MYH11: variants seen among roughly 807,000 people sequenced by gnomAD.
MYH11 encodes the protein myosin-11.
MYH11 carries 80 observed loss-of-function variants against 246.6 expected under a neutral mutation model. The ratio of observed to expected loss-of-function variants is 0.32; its 90% CI spans 0.27 to 0.39. The LOEUF (loss-of-function observed/expected upper bound fraction) is 0.39, where lower values mean the gene tolerates loss of function less well. Among genes scored for constraint, MYH11 ranks in the 10% least tolerant of loss-of-function variants. The pLI is 1.00. For missense variants in MYH11, 2,158 were observed against 2,546.8 expected (o/e 0.85, Z 3.29); for synonymous variants, 1,071 against 1,015.5 (o/e 1.05, Z -1.04).
intron 34 of MYH11, 48 bp from the exon 35 acceptor site, chr16:15,719,761 A>T: frequency 1.2e-6 from 2 of 1,612,816 alleles, no homozygotes; most frequent in Non-Finnish European, 1.7e-6. Flanking sequence ...TTACTCCCCC[A>T]AGTTCTGCTG....
chr16:15,712,393 T>C (rs1002931682), intron 40 of MYH11, among the ~76,000 whole-genome samples: 2 of 152,108 alleles, frequency 1.3e-5, no homozygotes, highest in African/African-American at 2.4e-5. Flanking sequence ...TCCATGCCTG[T>C]AATCCCAGCA....
chr16:15,726,655 A>AC (rs1480492498), intron 28 of MYH11, 193 bp downstream of exon 28: 5 of 685,120 alleles, frequency 7.3e-6, no homozygotes, highest in Non-Finnish European at 1.3e-5. Flanking sequence ...GGCATGAGCC[A>AC]CCGTGCCTGG....
chr16:15,816,541 G>C (rs935616274), intron 3 of MYH11, among the ~76,000 whole-genome samples: 2 of 152,068 alleles, frequency 1.3e-5, no homozygotes, highest in Non-Finnish European at 2.9e-5. Flanking sequence ...GTAAACTCTA[G>C]ATAGCATTAC....
intron 1 of MYH11, among the ~76,000 whole-genome samples, chr16:15,838,724 A>G (rs215582): frequency 0.82 from 123,979 of 151,830 alleles, 51,344 homozygotes; most frequent in African/African-American, 0.95. Flanking sequence ...GCCAGGTGTG[A>G]TGGTGTGCAC....
chr16:15,816,448 GA>G (rs1196050187), intron 3 of MYH11, among the ~76,000 whole-genome samples: 1 of 152,032 alleles, frequency 6.6e-6, no homozygotes, highest in South Asian at 2.1e-4. Flanking sequence ...CCAGGAAAAA[GA>G]AAAGTCATAC....
In MYH11 at chr16:15,762,044, G is replaced by A. The variant is rs1390040383; in HGVS notation, c.1130-1386C>T. Among the ~76,000 whole-genome samples, 6 of 152,284 alleles carry A rather than the reference G, an allele frequency of 3.9e-5. No individual in the cohort carries two copies. In the East Asian group the frequency reaches 5.8e-4, roughly 15 times the overall value. On this transcript the variant is annotated intron_variant, in intron 10 of 40. Transcript: ENST00000300036. ...GGCTGGAGTGCAGTGGCACAATCTCGGCGCACTGCAATCTCCGCCTCCTGC... is the reference window on the plus strand; with the variant it reads ...GGCTGGAGTGCAGTGGCACAATCTCAGCGCACTGCAATCTCCGCCTCCTGC...
intron 3 of MYH11, among the ~76,000 whole-genome samples, chr16:15,820,938 T>A (rs1046885432): frequency 1.3e-5 from 2 of 152,192 alleles, no homozygotes; most frequent in Non-Finnish European, 2.9e-5. Context: ...AGTGGCGTGA[T>A]CTCGGCTCAC....
intron 5 of MYH11, chr16:15,782,695 A>C: frequency 1.8e-6 from 1 of 541,944 alleles, no homozygotes; most frequent in Non-Finnish European, 3.3e-6. Flanking sequence ...TCTGCTCCCT[A>C]GGAAGGTCAC....
chr16:15,735,865 G>T (rs2151241715), intron 25 of MYH11, among the ~76,000 whole-genome samples: 1 of 152,356 alleles, frequency 6.6e-6, no homozygotes, highest in Middle Eastern at 3.4e-3. Flanking sequence ...ATTGACCCCA[G>T]ACTGGCAAGG....
rs532263160 is a variant in MYH11 at position 15,763,083 on chromosome 16, A to T, written c.1129+713T>A. Among the ~76,000 whole-genome samples the T allele has an allele frequency of 3.3e-5, 5 of 152,350 alleles. No individual in the cohort carries two copies. In the East Asian group the frequency reaches 9.6e-4, roughly 29 times the overall value. On this transcript the variant is annotated intron_variant, in intron 10 of 40. Transcript: ENST00000300036. ...TCAGTTAAACCTGAATTTCAGATAA[A>T]CAAGAATACTCTTTTGGTATAATCA...
At position 15,756,384 on chromosome 16, in the gene MYH11, A is replaced by G. The variant is rs2041717212; in HGVS notation, c.1706T>C (p.Leu569Pro). The G allele has an allele frequency of 6.2e-7, 1 of 1,613,986 alleles. No homozygotes were observed. The stretch of plus-strand genomic sequence containing the variant: ...GATGGAGAACTCAGTCTTGTCCTTG[A>G]GCTGCTTGGGCTTCTGGAACTTGGG... ...SHPKFQKPKQ[L>P]KDKTEFSIIH... Residue 569 changes from leucine (L) to proline (P), a missense_variant, in exon 14 of 41, where the codon CTC becomes CCC. Physicochemically the swap from Leu to Pro is moderately conservative, Grantham distance 98 (BLOSUM62 -3). This residue lies in a region of MYH11 where 317 missense variants were observed against 507.7 expected (regional missense o/e 0.62). Transcript: ENST00000300036.
At chr16:15,756,575 G>A in intron 13 of MYH11, 61 bp from the exon 14 acceptor site, 1 of 1,582,126 alleles carries the variant, frequency 6.3e-7, no homozygotes. Flanking sequence ...ATTCCATGAA[G>A]AGCTGGCCAA....
intron 8 of MYH11, among the ~76,000 whole-genome samples, chr16:15,773,232 T>C (rs2042145485): frequency 6.6e-6 from 1 of 151,912 alleles, no homozygotes; most frequent in Admixed American, 6.6e-5. Context: ...TCTAGTGACT[T>C]CCTGCTATGG....
chr16:15,754,979 T>A (rs988543887), intron 14 of MYH11, among the ~76,000 whole-genome samples: 9 of 152,212 alleles, frequency 5.9e-5, no homozygotes. Context: ...CCCAGCCAAG[T>A]CATACAGTCT....
intron 10 of MYH11, 55 bp downstream of exon 10, chr16:15,763,741 T>TGGGGGGGCCCCCCC: frequency 3.1e-6 from 2 of 646,860 alleles, no homozygotes; most frequent in Non-Finnish European, 5.8e-6. Context: ...AAATGTCACC[T>TGGGGGGGCCCCCCC]CCCCCACCCC....
chr16:15,811,398 A>T (rs1335118171), intron 3 of MYH11, among the ~76,000 whole-genome samples: 1 of 152,180 alleles, frequency 6.6e-6, no homozygotes, highest in East Asian at 1.9e-4. Flanking sequence ...GGGAAGAGTA[A>T]CATTCTGAGG....
rs1478085690 is a variant in MYH11 at position 15,720,264 on chromosome 16, G to A, written c.4840C>T (p.Leu1614=). Residue 1614 remains leucine (L), a synonymous_variant, in exon 34 of 41, where the codon CTG becomes TTG. Transcript: ENST00000300036. ...AGCTTCTTCTTTGCTGCAGCTGCCAGGGCACGTTGCTTTCGCTCGTCTTCC... is the reference window on the plus strand; with the variant it reads ...AGCTTCTTCTTTGCTGCAGCTGCCAAGGCACGTTGCTTTCGCTCGTCTTCC... The part of the protein sequence containing the change: ...ELEDERKQRA[L]AAAAKKKLEG... 1 of 1,614,174 alleles carries A rather than the reference G, an allele frequency of 6.2e-7. No homozygotes were observed. The highest frequency in any genetic ancestry group is 1.7e-5 in the Admixed American group (1 of 60,014).
chr16:15,796,715 A>G (rs2042749923), intron 4 of MYH11, among the ~76,000 whole-genome samples: 1 of 152,078 alleles, frequency 6.6e-6, no homozygotes, highest in African/African-American at 2.4e-5. Flanking sequence ...TAATATAACC[A>G]CAAAGGTACT....
chr16:15,722,615 AGAG>A (rs1194963241), intron 31 of MYH11, among the ~76,000 whole-genome samples: 2 of 152,222 alleles, frequency 1.3e-5, no homozygotes, highest in African/African-American at 2.4e-5. Flanking sequence ...CTGACAGCCC[AGAG>A]GAGAGGTAGC....
Sources: gnomAD v4.1 joint callset for allele counts (sites outside exome capture counted in the v4.1 genomes callset) on GRCh38, gnomAD v4.1.1 for gene constraint, gnomAD v4.1.1 regional missense constraint, MANE v1.5 for transcripts, NCBI Gene and HGNC (gene_info 2026-07-23, HGNC 2026-07-21) for gene names.